Variants in FBF1 observed in about 807,000 individuals in gnomAD.
FBF1 encodes fas-binding factor 1.
FBF1 carries 119 observed loss-of-function variants against 147.2 expected under a neutral mutation model. The ratio of observed to expected loss-of-function variants is 0.81; its 90% CI spans 0.70 to 0.94. The LOEUF (loss-of-function observed/expected upper bound fraction) is 0.94, where lower values mean the gene tolerates loss of function less well. Among genes scored for constraint, FBF1 ranks in the 40% least tolerant of loss-of-function variants. FBF1 has a pLI of 0.00. For missense variants in FBF1, 1,449 were observed against 1,500.8 expected (o/e 0.97, Z 0.57); for synonymous variants, 601 against 609.0 (o/e 0.99, Z 0.19).
chr17:75,921,551 C>A lies in FBF1; in HGVS notation c.1536G>T (p.Val512=). 6.2e-7 allele frequency: 1 copy of A among 1,612,178 alleles called. No individual in the cohort carries two copies. The highest frequency in any genetic ancestry group is 1.1e-5 in the South Asian group (1 of 90,672). ...GTGCTGAGGCGGCATGGTTCTGAGT[C>A]ACAGGGGACCTGAGGACACAGGGAT... ...CVRPGVSGSP[V]TQNHAASALP... is the part of the protein sequence containing the mutation. Residue 512 remains valine (V), a synonymous_variant, in exon 16 of 30, where the codon GTG becomes GTT. Coordinates refer to ENST00000636174, the MANE Select transcript of FBF1 (RefSeq NM_001319193.2).
chr17:75,916,396 G>T (rs1248543277), intron 23 of FBF1, among the ~76,000 whole-genome samples: 1 of 152,004 alleles, frequency 6.6e-6, no homozygotes, highest in Admixed American at 6.6e-5. Flanking sequence ...TAAGTGGGCA[G>T]ATTGCTTGAG....
chr17:75,926,310 C>T lies in FBF1; in HGVS notation c.712G>A (p.Glu238Lys), dbSNP rs1405204340. The stretch of plus-strand genomic sequence containing the variant: ...TACTGGTCTCCTATCTGCCTCTTCT[C>T]TGCTTTGGGGCTGTCTCCAAACCCC... ...TLGFGDSPKA[E>K]KRQIGDQEGP... The change falls in exon 11 of 30, where the codon GAG becomes AAG. Residue 238 changes from glutamate to lysine, a missense_variant. By Grantham distance (56) the Glu-to-Lys change is moderately conservative. Coordinates refer to ENST00000636174, the MANE Select transcript of FBF1 (RefSeq NM_001319193.2). The T allele has an allele frequency of 6.2e-7, 1 of 1,613,480 alleles. No individual in the cohort carries two copies. The highest frequency in any genetic ancestry group is 8.5e-7 in the Non-Finnish European group (1 of 1,179,726).
intron 29 of FBF1, among the ~76,000 whole-genome samples, chr17:75,911,684 A>AT (rs368211345): frequency 7.1e-4 from 107 of 151,700 alleles, no homozygotes; most frequent in African/African-American, 2.4e-3. Flanking sequence ...ACGCTCAGCT[A>AT]TTTTTTTGTG....
At chr17:75,912,164 A>C (rs1291587881) in intron 29 of FBF1, 28 bp downstream of exon 29, 3 of 1,576,490 alleles carry the variant, frequency 1.9e-6, no homozygotes, top group East Asian at 4.6e-5. Flanking sequence ...CGTGAACACA[A>C]GGATCCCCAA....
In FBF1 at chr17:75,919,857, A is replaced by C; in HGVS notation, c.1949T>G (p.Leu650Arg). The C allele has an allele frequency of 1.2e-6, 2 of 1,613,776 alleles. No homozygotes were observed. Among genetic ancestry groups the C allele is most frequent in the Non-Finnish European group, 1.7e-6 (2 of 1,179,884 alleles). The change falls in exon 20 of 30, where the codon CTA becomes CGA. Residue 650 changes from leucine (L) to arginine (R), a missense_variant. Physicochemically the swap from Leu to Arg is moderately radical, Grantham distance 102 (BLOSUM62 -2). Transcript: ENST00000636174. This position sits in a 1 kb window ranked among gnomAD's most constrained non-coding sequence, Gnocchi z 5.0. ...ESAHRSRIKVLETSYQQREER... is the reference protein window; with the variant it reads ...ESAHRSRIKVRETSYQQREER... ...CTCCCGTTGCTGGTACGATGTTTCT[A>C]GCACCTTGATGCGGCTTCTGCCAAC...
intron 4 of FBF1, among the ~76,000 whole-genome samples, 185 bp downstream of exon 4, chr17:75,935,447 G>A (rs553747763): frequency 6.6e-5 from 10 of 152,146 alleles, no homozygotes; most frequent in African/African-American, 2.2e-4. Flanking sequence ...GATTACAGGC[G>A]CATATATCTC....
At chr17:75,933,493 A>AC (rs1315942411) in intron 4 of FBF1, among the ~76,000 whole-genome samples, 4 of 152,016 alleles carry the variant, frequency 2.6e-5, no homozygotes, top group Admixed American at 1.3e-4. Context: ...AATCGCTTGA[A>AC]CCGGGAGACG....
At position 75,918,257 on chromosome 17, in the gene FBF1, TAGGATGGACGCCCTG is replaced by T. The variant is rs1449045095; in HGVS notation, c.2139-3_2150del. On this transcript the variant is annotated splice_acceptor_variant and splice_polypyrimidine_tract_variant and coding_sequence_variant and intron_variant, in exon 21 of 30. Coordinates refer to ENST00000636174, the MANE Select transcript of FBF1 (RefSeq NM_001319193.2). LOFTEE classifies it high-confidence loss of function. This position sits in a 1 kb window ranked among gnomAD's most constrained non-coding sequence, Gnocchi z 5.8. ...GCTCCTCGTGGTCTCTGCGCATGTCTAGGATGGACGCCCTGAGGGGAGGCGGGAGGGGAAGGCGGT... is the reference window on the plus strand; with the variant it reads ...GCTCCTCGTGGTCTCTGCGCATGTCTAGGGGAGGCGGGAGGGGAAGGCGGT... The T allele has an allele frequency of 3.1e-6, 5 of 1,612,678 alleles. No homozygotes were observed. The highest frequency in any genetic ancestry group is 4.2e-6 in the Non-Finnish European group (5 of 1,179,424).
At chr17:75,938,608 T>C (rs941067703) in intron 1 of FBF1, among the ~76,000 whole-genome samples, 2 of 137,404 alleles carry the variant, frequency 1.5e-5, no homozygotes, top group Admixed American at 1.4e-4. Flanking sequence ...ATGCCTGTAA[T>C]CCCAAAACTC....
intron 4 of FBF1, 139 bp downstream of exon 4, chr17:75,935,493 C>T (rs1399853171): frequency 2.4e-6 from 2 of 836,108 alleles, no homozygotes; most frequent in Middle Eastern, 2.5e-4. Flanking sequence ...TGGCTTATGC[C>T]TGTAATCCCA....
Position 75,921,304 on chromosome 17 carries a change from T to C in FBF1, c.1616-2A>G. On this transcript the variant is annotated splice_acceptor_variant, in intron 16 of 29. Coordinates refer to ENST00000636174, the MANE Select transcript of FBF1 (RefSeq NM_001319193.2). LOFTEE classifies it high-confidence loss of function. ...TGCTCGGGAAACACGTGGCAGGCTC[T>C]GAAACATCAACAACAGAGAAATGAA... 1.3e-6 allele frequency: 2 copies of C among 1,589,044 alleles called. No homozygotes were observed. Among genetic ancestry groups the C allele is most frequent in the Non-Finnish European group, 1.7e-6 (2 of 1,167,616 alleles).
intron 5 of FBF1, among the ~76,000 whole-genome samples, chr17:75,932,237 C>T (rs138391832): frequency 1.3e-5 from 2 of 152,034 alleles, no homozygotes; most frequent in East Asian, 1.9e-4. Context: ...AGTAGCCAGA[C>T]GTGGTGGTGT....
chr17:75,922,176 T>G lies in FBF1; in HGVS notation c.1425-130A>C, dbSNP rs1044685758. 2.8e-6 allele frequency: 2 copies of G among 716,946 alleles called. No homozygotes were observed. Among genetic ancestry groups the G allele is most frequent in the African/African-American group, 3.5e-5 (2 of 56,348 alleles). The allele number at this position is 716,946 out of a possible 1,614,324, so 44.4% of individuals were successfully genotyped here. On this transcript the variant is annotated intron_variant, in intron 14 of 29. Transcript: ENST00000636174. The surrounding 1 kb of genome is among the most constrained non-coding windows in gnomAD (Gnocchi z 5.0). ...TTCCTCCTGCTTCCACCATCCCGTC[T>G]TGGGGCATTCTCCTCCCACGTCTGA... is the stretch of plus-strand genomic sequence containing the variant.
In FBF1 at chr17:75,914,875, G is replaced by A. The variant is rs1417861963; in HGVS notation, c.2686C>T (p.Arg896Cys). The change falls in exon 25 of 30, where the codon CGC (arginine) becomes TGC (cysteine). Residue 896 changes from arginine to cysteine, a missense_variant. Arg to Cys is a radical substitution (Grantham distance 180, BLOSUM62 -3). Transcript: ENST00000636174. ...AACTCCGCCCACTCGGCAGCCAGGC[G>A]CCGCCGCTCCTCCCCGCACTTGAGC... is the stretch of plus-strand genomic sequence containing the variant. ...VMLKCGEERR[R>C]LAAEWAEFSA... is the part of the protein sequence containing the mutation. The A allele has an allele frequency of 1.2e-6, 2 of 1,611,758 alleles. No homozygotes were observed. Among genetic ancestry groups the A allele is most frequent in the Non-Finnish European group, 1.7e-6 (2 of 1,179,628 alleles).
chr17:75,931,707 C>T (rs1032987350), intron 5 of FBF1, among the ~76,000 whole-genome samples: 2 of 151,380 alleles, frequency 1.3e-5, no homozygotes, highest in African/African-American at 4.9e-5. Flanking sequence ...TCACTTGAAC[C>T]GGGAGGTGGA....
In FBF1 at chr17:75,915,717, CATT is replaced by C. The variant is rs377012550; in HGVS notation, c.2506-581_2506-579del. Among the ~76,000 whole-genome samples the C allele has an allele frequency of 5.3e-3, 808 of 152,190 alleles. 4 individuals are homozygous for C. Among genetic ancestry groups the C allele is most frequent in the African/African-American group, 0.018 (768 of 41,530 alleles). On this transcript the variant is annotated intron_variant, in intron 23 of 29. Transcript: ENST00000636174. Reference sequence around the variant, plus strand: ...ATATTTTTATTTTCTTCTTTAAAAACATTTTTTTGGGCCGGGCACAGTGGCTCA... The same window carrying C: ...ATATTTTTATTTTCTTCTTTAAAAACTTTTTGGGCCGGGCACAGTGGCTCA...
chr17:75,917,618 G>A (rs1431850017), intron 23 of FBF1, 114 bp downstream of exon 23: 2 of 928,212 alleles, frequency 2.2e-6, no homozygotes, highest in Non-Finnish European at 3.2e-6. Context: ...GCGGCAGGTG[G>A]GGCCTTGACC....
At position 75,926,690 on chromosome 17, in the gene FBF1, A is replaced by G; in HGVS notation, c.595+68T>C. 2.6e-6 allele frequency: 4 copies of G among 1,558,554 alleles called. No individual in the cohort carries two copies. In the South Asian group the frequency reaches 4.7e-5, roughly 18 times the overall value. Reference sequence around the variant, plus strand: ...GGAGAGGCCTCTGGTTCTGCACCAGAAAGGCTGGTTAGCTTGTTGCCAATA... The same window carrying G: ...GGAGAGGCCTCTGGTTCTGCACCAGGAAGGCTGGTTAGCTTGTTGCCAATA... On this transcript the variant is annotated intron_variant, in intron 10 of 29. Transcript: ENST00000636174.
chr17:75,927,305 A>G, intron 9 of FBF1, 150 bp downstream of exon 9: 2 of 661,098 alleles, frequency 3.0e-6, no homozygotes, highest in Admixed American at 2.9e-5. Context: ...CCAATACAAT[A>G]TAGCTGGTCC....
Sources: allele counts gnomAD v4.1 joint callset (sites outside exome capture counted in the v4.1 genomes callset), GRCh38; gene constraint gnomAD v4.1.1; non-coding constraint Gnocchi (gnomAD v3.1); transcripts MANE v1.5; gene names NCBI Gene and HGNC (gene_info 2026-07-23, HGNC 2026-07-21).